The following PARP1 variants were observed in gnomAD, a reference collection of about 807,000 sequenced individuals.
PARP1 encodes poly(ADP-ribose) polymerase 1.
Under a neutral mutation model 118.7 loss-of-function variants are expected in PARP1, and 44 were observed. The observed-to-expected ratio is 0.37, with a 90% CI of 0.29 to 0.48. The LOEUF is 0.48. PARP1 is among the 20% of genes least tolerant of loss of function. The pLI is 0.99. For synonymous variants in PARP1, 492 were observed against 483.2 expected (o/e 1.02, Z -0.24); for missense variants, 1,100 against 1,272.4 (o/e 0.86, Z 2.06).
At chr1:226,366,744 T>C (rs1235115858) in intron 17 of PARP1, 2 of 158,128 alleles carry the variant, frequency 1.3e-5, no homozygotes, top group Non-Finnish European at 2.8e-5. Flanking sequence ...TGTGGTGTCT[T>C]ACCCTGCTTG....
chr1:226,395,994 G>T (rs552617632), intron 2 of PARP1, among the ~76,000 whole-genome samples: 11,099 of 152,196 alleles, frequency 0.073, 593 homozygotes, highest in Non-Finnish European at 0.11. Flanking sequence ...GCTGGATGAT[G>T]GTAATGTTTG....
At chr1:226,368,913 G>A (rs1421295235) in intron 15 of PARP1, among the ~76,000 whole-genome samples, 1 of 152,236 alleles carries the variant, frequency 6.6e-6, no homozygotes, top group East Asian at 1.9e-4. Context: ...GAAGAGCGGG[G>A]CCACTGGGAT....
At chr1:226,382,948 C>T (rs1664646618) in intron 8 of PARP1, 88 bp downstream of exon 8, 2 of 1,468,050 alleles carry the variant, frequency 1.4e-6, no homozygotes, top group Admixed American at 1.7e-5. Context: ...TTGACGGATA[C>T]TTTCTTCACC....
intron 15 of PARP1, 75 bp from the exon 16 acceptor site, chr1:226,368,396 G>A (rs1664315588): frequency 6.3e-7 from 1 of 1,593,974 alleles, no homozygotes; most frequent in Non-Finnish European, 8.6e-7. Context: ...TTCTCTTTTA[G>A]CAGGTGGGTG....
chr1:226,388,628 G>C (rs186102417), intron 5 of PARP1, 28 bp downstream of exon 5: 7 of 1,421,828 alleles, frequency 4.9e-6, no homozygotes, highest in Admixed American at 3.3e-5. Context: ...GCAGAATGTC[G>C]AAAGGAGACA....
rs1664124814 is a variant in PARP1 at position 226,361,041 on chromosome 1, T to C, written c.*419A>G. ...GTTTTTATTTTTAACTAAAAATAAA[T>C]GCTTAACATCTTTCCAAAATCAAAA... On this transcript the variant is annotated 3_prime_UTR_variant, in exon 23 of 23. Coordinates refer to ENST00000366794, the MANE Select transcript of PARP1 (RefSeq NM_001618.4). 8.3e-6 allele frequency: 2 copies of C among 241,176 alleles called. No homozygotes were observed. The highest frequency in any genetic ancestry group is 2.2e-5 in the African/African-American group (1 of 44,724). The allele number at this position is 241,176 out of a possible 1,614,324, so 14.9% of individuals were successfully genotyped here. A position where few individuals can be genotyped will look rare whatever the true frequency, so the allele number is the denominator to read the frequency against.
intron 1 of PARP1, 115 bp from the exon 2 acceptor site, chr1:226,402,494 T>C (rs1025583084): frequency 1.0e-6 from 1 of 972,392 alleles, no homozygotes; most frequent in Non-Finnish European, 1.6e-6. Context: ...GGATAGCACA[T>C]GAAACTTTTG....
intron 12 of PARP1, among the ~76,000 whole-genome samples, chr1:226,377,763 G>T (rs1049272126): frequency 1.3e-5 from 2 of 152,102 alleles, no homozygotes; most frequent in Non-Finnish European, 2.9e-5. Context: ...CCTCAGGTCC[G>T]GTGACCTAGA....
chr1:226,373,862 A>G (rs914498299), intron 14 of PARP1, among the ~76,000 whole-genome samples: 2 of 152,128 alleles, frequency 1.3e-5, no homozygotes, highest in African/African-American at 4.8e-5. Flanking sequence ...TCACACCTAT[A>G]TTCCTAGCAT....
rs756222232 is a variant in PARP1, at chr1:226,379,663, GT to G, written c.1544-23del. 37 of 1,575,662 alleles carry G rather than the reference GT, an allele frequency of 2.3e-5. No homozygotes were observed. In the African/African-American group the frequency reaches 4.6e-4, roughly 19 times the overall value. On this transcript the variant is annotated intron_variant, in intron 10 of 22. Coordinates refer to ENST00000366794, the MANE Select transcript of PARP1 (RefSeq NM_001618.4). ...ATACCTTGGAGGAGAACAGAAAAAT[GT>G]AAACATGAAGTTAAATGTAACTAAA... is the stretch of plus-strand genomic sequence containing the variant.
chr1:226,394,700 G>A (rs1664882073), intron 2 of PARP1, among the ~76,000 whole-genome samples: 1 of 152,150 alleles, frequency 6.6e-6, no homozygotes, highest in Non-Finnish European at 1.5e-5. Flanking sequence ...TTAAGCCCAG[G>A]AGGCCAAGGC....
intron 8 of PARP1, among the ~76,000 whole-genome samples, chr1:226,381,562 G>A (rs1159781572): frequency 1.3e-5 from 2 of 152,316 alleles, no homozygotes; most frequent in East Asian, 3.9e-4. Context: ...GGGAAGAGGG[G>A]TAAGGTCACA....
In PARP1 at chr1:226,392,231, T is replaced by C. The variant is rs139924814; in HGVS notation, c.370A>G (p.Thr124Ala). The C allele has an allele frequency of 2.4e-5, 38 of 1,613,734 alleles. No individual in the cohort carries two copies. Among genetic ancestry groups the C allele is most frequent in the African/African-American group, 2.0e-4 (15 of 74,932 alleles). ...ATCTTCTCCATACACCCCTTGCACG[T>C]ACTTCTGTTGGACTTGGCATACTCT... is the stretch of plus-strand genomic sequence containing the variant. ...AAEYAKSNRSTCKGCMEKIEK... is the reference protein window; with the variant it reads ...AAEYAKSNRSACKGCMEKIEK... The change falls in exon 3 of 23, where the codon ACG becomes GCG. Residue 124 changes from threonine (T) to alanine (A), a missense_variant. Physicochemically the swap from Thr to Ala is moderately conservative, Grantham distance 58. Coordinates refer to ENST00000366794, the MANE Select transcript of PARP1 (RefSeq NM_001618.4).
chr1:226,367,615 G>A lies in PARP1; in HGVS notation c.2278-7C>T, dbSNP rs1664297062. 1 of 1,614,018 alleles carries A rather than the reference G, an allele frequency of 6.2e-7. No individual in the cohort carries two copies. The highest frequency in any genetic ancestry group is 8.5e-7 in the Non-Finnish European group (1 of 1,180,032). On this transcript the variant is annotated splice_region_variant and splice_polypyrimidine_tract_variant and intron_variant, in intron 16 of 22. Transcript: ENST00000366794. Reference sequence around the variant, plus strand: ...CAAGCATTTCCACCTTGGCCTGGAGGAGCAAAAGAAAGCCCCCGACTTAGG... The same window carrying A: ...CAAGCATTTCCACCTTGGCCTGGAGAAGCAAAAGAAAGCCCCCGACTTAGG...
At chr1:226,369,566 G>C (rs1021906326) in intron 15 of PARP1, among the ~76,000 whole-genome samples, 6 of 152,268 alleles carry the variant, frequency 3.9e-5, no homozygotes, top group African/African-American at 1.4e-4. Flanking sequence ...AAGTATGCGG[G>C]TCCACTTATA....
At chr1:226,377,422 G>A (rs1664514064) in intron 12 of PARP1, 119 bp from the exon 13 acceptor site, 1 of 766,002 alleles carries the variant, frequency 1.3e-6, no homozygotes, top group Non-Finnish European at 2.4e-6. Flanking sequence ...CCAAAAGGAT[G>A]GTGATTAACA....
At position 226,366,044 on chromosome 1, in the gene PARP1, G is replaced by A; in HGVS notation, c.2415C>T (p.Asp805=). The A allele has an allele frequency of 6.2e-7, 1 of 1,609,826 alleles. No individual in the cohort carries two copies. The highest frequency in any genetic ancestry group is 8.5e-7 in the Non-Finnish European group (1 of 1,176,120). The stretch of plus-strand genomic sequence containing the variant: ...TGATCTCGGCTTCTTCAGAATCTCT[G>A]TCAACCACCTGGATAAACAGAATCT... The part of the protein sequence containing the change: ...EKLKTDIKVV[D]RDSEEAEIIR... Residue 805 remains aspartate (D), a synonymous_variant, in exon 18 of 23, where the codon GAC becomes GAT. Transcript: ENST00000366794.
At chr1:226,375,702 G>A (rs900695825) in intron 13 of PARP1, among the ~76,000 whole-genome samples, 5 of 152,220 alleles carry the variant, frequency 3.3e-5, no homozygotes, top group Non-Finnish European at 1.5e-5. Context: ...GTTAAATAAT[G>A]CCAAGATTAA....
intron 14 of PARP1, among the ~76,000 whole-genome samples, chr1:226,371,847 A>G (rs954142946): frequency 5.0e-5 from 7 of 141,250 alleles, no homozygotes; most frequent in Admixed American, 1.4e-4. Flanking sequence ...CTAATTGTAC[A>G]CCCCTCAAAA....
Sources: allele counts gnomAD v4.1 joint callset (sites outside exome capture counted in the v4.1 genomes callset), GRCh38; gene constraint gnomAD v4.1.1; transcripts MANE v1.5; gene names NCBI Gene and HGNC (gene_info 2026-07-23, HGNC 2026-07-21).